The following HECTD2 variants were observed in gnomAD, a reference collection of about 807,000 sequenced individuals.
HECTD2 encodes the protein HECT domain E3 ubiquitin protein ligase 2.
A neutral mutation model predicts 103.2 loss-of-function variants in HECTD2; 35 were observed. That is an observed-to-expected ratio of 0.34 (90% CI 0.26 to 0.45). HECTD2 has a LOEUF of 0.45. Among genes scored for constraint, HECTD2 ranks in the 20% least tolerant of loss-of-function variants. The probability of loss-of-function intolerance (pLI) is 1.00; values close to 1 mark genes in which losing one functional copy is unlikely to be tolerated. For synonymous variants in HECTD2, 281 were observed against 329.9 expected (o/e 0.85, Z 1.61); for missense variants, 596 against 937.4 (o/e 0.64, Z 4.76).
intron 2 of HECTD2, among the ~76,000 whole-genome samples, chr10:91,431,575 A>G (rs1843872315): frequency 6.6e-6 from 1 of 151,828 alleles, no homozygotes; most frequent in African/African-American, 2.4e-5. Flanking sequence ...GGCTTTGTTC[A>G]TTTCTTTTTA....
At position 91,483,027 on chromosome 10, in the gene HECTD2, G is replaced by A. The variant is rs772433684; in HGVS notation, c.772G>A (p.Ala258Thr). Residue 258 changes from alanine (A) to threonine (T), a missense_variant, in exon 8 of 21, where the codon GCT (alanine) becomes ACT (threonine). This residue lies in a region of HECTD2 where 303 missense variants were observed against 522.5 expected (regional missense o/e 0.58). Coordinates refer to ENST00000298068, the MANE Select transcript of HECTD2 (RefSeq NM_182765.6). ...VIYAHLLRQIATLVEADHHFL... is the reference protein window; with the variant it reads ...VIYAHLLRQITTLVEADHHFL... ...CTATGCTCACTTGCTACGACAGATA[G>A]CTACCTTAGTGGAAGCTGACCATCA... 1.9e-6 allele frequency: 3 copies of A among 1,592,134 alleles called. No individual in the cohort carries two copies. Among genetic ancestry groups the A allele is most frequent in the South Asian group, 2.2e-5 (2 of 90,048 alleles).
intron 2 of HECTD2, among the ~76,000 whole-genome samples, chr10:91,451,301 C>G (rs1312962180): frequency 1.3e-5 from 2 of 152,082 alleles, no homozygotes; most frequent in Non-Finnish European, 2.9e-5. Context: ...TGTTCTCACT[C>G]ATAAGTGGGA....
chr10:91,494,102 C>A (rs1482519708), intron 14 of HECTD2, among the ~76,000 whole-genome samples: 1 of 151,840 alleles, frequency 6.6e-6, no homozygotes, highest in African/African-American at 2.4e-5. Flanking sequence ...GGACAAGATG[C>A]CTTCTACATT....
intron 2 of HECTD2, among the ~76,000 whole-genome samples, chr10:91,456,458 A>G (rs1414423421): frequency 6.6e-6 from 1 of 152,194 alleles, no homozygotes; most frequent in African/African-American, 2.4e-5. Context: ...GTTGCTTATC[A>G]GCTTAAGGAG....
At chr10:91,503,634 G>C (rs1391162536) in intron 20 of HECTD2, among the ~76,000 whole-genome samples, 1 of 152,134 alleles carries the variant, frequency 6.6e-6, no homozygotes, top group Admixed American at 6.5e-5. Context: ...CCTACCCCAC[G>C]GAGTCTCGCT....
chr10:91,484,725 T>G, intron 9 of HECTD2, 70 bp downstream of exon 9: 1 of 1,233,436 alleles, frequency 8.1e-7, no homozygotes, highest in Non-Finnish European at 1.1e-6. Flanking sequence ...CTTAAGGATT[T>G]CAAAAGACTA....
chr10:91,448,919 C>G (rs971139435), intron 2 of HECTD2, among the ~76,000 whole-genome samples: 2 of 96,756 alleles, frequency 2.1e-5, no homozygotes, highest in African/African-American at 8.4e-5. Flanking sequence ...CAGGACCAGA[C>G]AGATTGACAG....
intron 2 of HECTD2, among the ~76,000 whole-genome samples, chr10:91,459,246 A>G (rs1230424388): frequency 6.6e-6 from 1 of 152,028 alleles, no homozygotes; most frequent in Non-Finnish European, 1.5e-5. Flanking sequence ...GATCACTAAT[A>G]TATTGCTGGT....
chr10:91,497,880 C>A (rs991801132), intron 15 of HECTD2, among the ~76,000 whole-genome samples: 1 of 152,134 alleles, frequency 6.6e-6, no homozygotes, highest in Non-Finnish European at 1.5e-5. Flanking sequence ...AGAGTAGACC[C>A]CAGAGTTATG....
intron 1 of HECTD2, among the ~76,000 whole-genome samples, chr10:91,421,297 C>T (rs1358855885): frequency 6.6e-6 from 1 of 151,646 alleles, no homozygotes; most frequent in Non-Finnish European, 1.5e-5. Context: ...ATATTTTTAA[C>T]ACATCACTTT....
intron 20 of HECTD2, among the ~76,000 whole-genome samples, chr10:91,504,535 A>AGATGAAATG (rs1847062588): frequency 6.6e-6 from 1 of 152,236 alleles, no homozygotes; most frequent in Non-Finnish European, 1.5e-5. Flanking sequence ...CAGCAATGGA[A>AGATGAAATG]GATGAAATGA....
intron 20 of HECTD2, among the ~76,000 whole-genome samples, chr10:91,509,853 A>C (rs1355055136): frequency 1.4e-4 from 22 of 152,180 alleles, no homozygotes; most frequent in Non-Finnish European, 1.3e-4. Context: ...GTGATGAGAT[A>C]ATCTGTACAC....
At chr10:91,477,137 C>T (rs372018998) in intron 5 of HECTD2, among the ~76,000 whole-genome samples, 16 of 148,214 alleles carry the variant, frequency 1.1e-4, no homozygotes, top group East Asian at 4.1e-4. Flanking sequence ...GCCGAGATTG[C>T]GCCACTGCAG....
rs2132942906 is a variant in HECTD2, at chr10:91,410,356, C to T, written c.-83C>T. 1 of 903,244 alleles carries T rather than the reference C, an allele frequency of 1.1e-6. No individual in the cohort carries two copies. Among genetic ancestry groups the T allele is most frequent in the Non-Finnish European group, 1.4e-6 (1 of 701,024 alleles). 56.0% of individuals were successfully genotyped at this position (903,244 alleles called of 1,614,324 possible). A position where few individuals can be genotyped will look rare whatever the true frequency, so the allele number is the denominator to read the frequency against. ...GAAGCGGCAGCCCAGAGCCCTCTCG[C>T]GGCCGCGGCGGCAGCAGCAGCGCCA... On this transcript the variant is annotated 5_prime_UTR_variant, in exon 1 of 21. Coordinates refer to ENST00000298068, the MANE Select transcript of HECTD2 (RefSeq NM_182765.6).
intron 20 of HECTD2, among the ~76,000 whole-genome samples, chr10:91,511,928 T>C (rs114474691): frequency 2.6e-5 from 4 of 152,272 alleles, no homozygotes; most frequent in Admixed American, 1.3e-4. Flanking sequence ...TTTGGGGATA[T>C]TATGCAACTC....
intron 5 of HECTD2, among the ~76,000 whole-genome samples, chr10:91,466,527 A>G (rs1484388225): frequency 6.6e-6 from 1 of 152,174 alleles, no homozygotes. Context: ...TTTTGCTAAT[A>G]TATTCATTCA....
chr10:91,434,516 T>C lies in HECTD2; in HGVS notation c.268+9106T>C, dbSNP rs554890604. Among the ~76,000 whole-genome samples the C allele has an allele frequency of 3.6e-4, 55 of 152,164 alleles. No homozygotes were observed. The South Asian group carries it at 0.011, about 30-fold the overall frequency. On this transcript the variant is annotated intron_variant, in intron 2 of 20. Transcript: ENST00000298068. Reference sequence around the variant, plus strand: ...TCAAAACATTTATAGAATGAGGAAATTGGGCATCTTGAGTCGTAAAGTGCC... The same window carrying C: ...TCAAAACATTTATAGAATGAGGAAACTGGGCATCTTGAGTCGTAAAGTGCC...
At chr10:91,500,669 C>G (rs1846865116) in intron 19 of HECTD2, 52 bp downstream of exon 19, 1 of 841,058 alleles carries the variant, frequency 1.2e-6, no homozygotes. Context: ...GAACAGCAGA[C>G]AGTGTGGTTC....
intron 1 of HECTD2, 26 bp downstream of exon 1, chr10:91,410,602 GCGCCCCGGAC>G (rs1842879460): frequency 1.7e-6 from 2 of 1,186,792 alleles, no homozygotes; most frequent in African/African-American, 8.3e-5. Context: ...GGGCCGTCTG[GCGCCCCGGAC>G]GGCGGGAGTT....
Sources: gnomAD v4.1 joint callset for allele counts (sites outside exome capture counted in the v4.1 genomes callset) on GRCh38, gnomAD v4.1.1 for gene constraint, gnomAD v4.1.1 regional missense constraint, MANE v1.5 for transcripts, NCBI Gene and HGNC (gene_info 2026-07-23, HGNC 2026-07-21) for gene names.